PCDHGC3: variants seen among roughly 807,000 people sequenced by gnomAD.
The protein encoded by PCDHGC3 is protocadherin gamma subfamily C, 3, also known as protocadherin gamma-C3.
Under a neutral mutation model 59.2 loss-of-function variants are expected in PCDHGC3, and 26 were observed. The ratio of observed to expected loss-of-function variants is 0.44; its 90% confidence interval spans 0.32 to 0.61. The LOEUF (loss-of-function observed/expected upper bound fraction) is 0.61, where lower values mean the gene tolerates loss of function less well. Ranked by LOEUF, PCDHGC3 falls within the 20% of genes least tolerant of loss-of-function variation. The pLI is 0.05. For missense variants in PCDHGC3, 1,080 were observed against 1,221.8 expected, an observed-to-expected ratio of 0.88 and a Z score of 1.73; for synonymous variants, 487 against 519.7, an observed-to-expected ratio of 0.94 and a Z score of 0.86.
Position 141,485,486 on chromosome 5 carries a change from C to T in PCDHGC3, c.2430+6940C>T, listed in dbSNP as rs2099614522. 6 of 1,614,102 alleles carry T rather than the reference C, an allele frequency of 3.7e-6. No individual in the cohort carries two copies. The highest frequency in any genetic ancestry group is 2.2e-5 in the East Asian group (1 of 44,866). The stretch of plus-strand genomic sequence containing the variant: ...TGGGCTCAGTGCCAGCTGCATCGTG[C>T]CCCTGGAGTTTGTCACCGAAGGTCC... On this transcript the variant is annotated intron_variant, in intron 1 of 3. Coordinates refer to ENST00000308177, the MANE Select transcript of PCDHGC3 (RefSeq NM_002588.4). This position sits in a 1 kb window ranked among gnomAD's most constrained non-coding sequence, Gnocchi z 5.7.
rs2099727742 is a variant in PCDHGC3 at position 141,491,740 on chromosome 5, G to C, written c.2431-3067G>C. On this transcript the variant is annotated intron_variant, in intron 1 of 3. Coordinates refer to ENST00000308177, the MANE Select transcript of PCDHGC3 (RefSeq NM_002588.4). The surrounding 1 kb of genome is among the most constrained non-coding windows in gnomAD (Gnocchi z 6.9). Reference sequence around the variant, plus strand: ...GCCGCCCCGGGCGACCCCTGGGGGCGGCACTGGAGAAGCCGCCCGTCCTCA... The same window carrying C: ...GCCGCCCCGGGCGACCCCTGGGGGCCGCACTGGAGAAGCCGCCCGTCCTCA... The C allele has an allele frequency of 6.3e-7, 1 of 1,597,622 alleles. No homozygotes were observed. The highest frequency in any genetic ancestry group is 8.5e-7 in the Non-Finnish European group (1 of 1,173,228).
chr5:141,485,116 G>T lies in PCDHGC3; in HGVS notation c.2430+6570G>T, dbSNP rs904145668. ...TGTCTCCAGCTGCTGTGGCTGTTTGGGGCGGGTCGGCTTCATCCGCGTCTC... is the reference window on the plus strand; with the variant it reads ...TGTCTCCAGCTGCTGTGGCTGTTTGTGGCGGGTCGGCTTCATCCGCGTCTC... On this transcript the variant is annotated intron_variant, in intron 1 of 3. Coordinates refer to ENST00000308177, the MANE Select transcript of PCDHGC3 (RefSeq NM_002588.4). This position sits in a 1 kb window ranked among gnomAD's most constrained non-coding sequence, Gnocchi z 5.7. 3.0e-6 allele frequency: 4 copies of T among 1,312,058 alleles called. No homozygotes were observed. The African/African-American group carries it at 5.8e-5, about 19-fold the overall frequency. 81.3% of individuals were successfully genotyped at this position (1,312,058 alleles called of 1,614,324 possible).
chr5:141,478,624 T>C (rs1300260980), intron 1 of PCDHGC3, 78 bp downstream of exon 1: 3 of 1,554,196 alleles, frequency 1.9e-6, no homozygotes, highest in Non-Finnish European at 2.6e-6. Context: ...AATGGAGCTG[T>C]TTTTTTAGTG....
At position 141,476,873 on chromosome 5, in the gene PCDHGC3, G is replaced by C; in HGVS notation, c.757G>C (p.Val253Leu). The change falls in exon 1 of 4, where the codon GTC (valine) becomes CTC (leucine). Residue 253 changes from valine to leucine, a missense_variant. Val to Leu is a conservative substitution (Grantham distance 32). Coordinates refer to ENST00000308177, the MANE Select transcript of PCDHGC3 (RefSeq NM_002588.4). This position sits in a 1 kb window ranked among gnomAD's most constrained non-coding sequence, Gnocchi z 7.6. ...CAACCAGTCCTTGTACCGGGCGCGC[G>C]TCCTGGAGGATGCACCCTCCGGCAC... ...VFNQSLYRAR[V>L]LEDAPSGTRV... 1 of 1,613,936 alleles carries C rather than the reference G, an allele frequency of 6.2e-7. No homozygotes were observed. Among genetic ancestry groups the C allele is most frequent in the South Asian group, 1.1e-5 (1 of 91,088 alleles).
chr5:141,488,714 A>G (rs2099678684), intron 1 of PCDHGC3, among the ~76,000 whole-genome samples: 1 of 152,192 alleles, frequency 6.6e-6, no homozygotes, highest in Non-Finnish European at 1.5e-5. Flanking sequence ...TGGTTCAAGC[A>G]AAGTGGTGGA....
At chr5:141,494,926 G>C in intron 2 of PCDHGC3, 61 bp downstream of exon 2, 2 of 1,613,498 alleles carry the variant, frequency 1.2e-6, no homozygotes, top group Non-Finnish European at 1.7e-6. Context: ...GGATGACGTG[G>C]GAGGAGATGG....
chr5:141,488,564 G>A (rs1047904416), intron 1 of PCDHGC3, among the ~76,000 whole-genome samples: 4 of 152,154 alleles, frequency 2.6e-5, no homozygotes, highest in Non-Finnish European at 5.9e-5. Context: ...TGAGATTTCC[G>A]CAAAGCATTG....
At position 141,511,519 on chromosome 5, in the gene PCDHGC3, C is replaced by A; in HGVS notation, c.*346C>A. On this transcript the variant is annotated 3_prime_UTR_variant, in exon 4 of 4. Transcript: ENST00000308177. ...CCAAATCAATCAGGCCCATCCATCC[C>A]ATGCCTCCCTCCTCCCCACCCCACT... 2.7e-6 allele frequency: 1 copy of A among 367,516 alleles called. No individual in the cohort carries two copies. The highest frequency in any genetic ancestry group is 2.7e-5 in the South Asian group (1 of 36,848). 22.8% of individuals were successfully genotyped at this position (367,516 alleles called of 1,614,324 possible). A position where few individuals can be genotyped will look rare whatever the true frequency, so the allele number is the denominator to read the frequency against.
chr5:141,481,762 G>A (rs1378950651), intron 1 of PCDHGC3, among the ~76,000 whole-genome samples: 3 of 152,126 alleles, frequency 2.0e-5, no homozygotes, highest in African/African-American at 2.4e-5. Flanking sequence ...GACCAGCCTG[G>A]CCAACATGGT....
intron 2 of PCDHGC3, among the ~76,000 whole-genome samples, chr5:141,504,288 G>GT (rs1175142876): frequency 6.6e-6 from 1 of 152,124 alleles, no homozygotes; most frequent in African/African-American, 2.4e-5. Context: ...ATCATTTCAT[G>GT]TTTTTTCAAC....
rs761905572 is a variant in PCDHGC3 at position 141,486,493 on chromosome 5, T to A, written c.2430+7947T>A. The A allele has an allele frequency of 2.5e-6, 4 of 1,614,136 alleles. No homozygotes were observed. The highest frequency in any genetic ancestry group is 1.7e-4 in the Middle Eastern group (1 of 6,060). On this transcript the variant is annotated intron_variant, in intron 1 of 3. Transcript: ENST00000308177. This position sits in a 1 kb window ranked among gnomAD's most constrained non-coding sequence, Gnocchi z 5.0. ...ACCCTCCTCTCAGTACCCACAGAAC[T>A]ATTTTCCTCAATATTTCAGATGTGA... is the stretch of plus-strand genomic sequence containing the variant.
chr5:141,494,236 T>C (rs1384800217), intron 1 of PCDHGC3, among the ~76,000 whole-genome samples: 7 of 152,128 alleles, frequency 4.6e-5, no homozygotes, highest in Non-Finnish European at 1.0e-4. Flanking sequence ...AAATTAATAA[T>C]GTATTTAGCT....
chr5:141,506,994 G>A (rs1053891468), intron 3 of PCDHGC3: 1 of 152,126 alleles, frequency 6.6e-6, no homozygotes, highest in Non-Finnish European at 1.5e-5. Context: ...TCTCACACTC[G>A]ACAGATGAGA....
intron 1 of PCDHGC3, among the ~76,000 whole-genome samples, chr5:141,483,575 A>G (rs1165739266): frequency 6.6e-6 from 1 of 152,194 alleles, no homozygotes; most frequent in Non-Finnish European, 1.5e-5. Flanking sequence ...GAATTCTGGC[A>G]TAAACACCTA....
At chr5:141,479,090 T>G (rs1424205731) in intron 1 of PCDHGC3, among the ~76,000 whole-genome samples, 2 of 152,244 alleles carry the variant, frequency 1.3e-5, no homozygotes, top group Non-Finnish European at 2.9e-5. Flanking sequence ...CCAGGCATCC[T>G]TTAAATTTTA....
chr5:141,500,104 T>C (rs917633032), intron 2 of PCDHGC3, among the ~76,000 whole-genome samples: 1 of 152,124 alleles, frequency 6.6e-6, no homozygotes, highest in Non-Finnish European at 1.5e-5. Context: ...AATTTATTTG[T>C]TGAATCCCTG....
At chr5:141,484,801 A>G (rs1285617622) in intron 1 of PCDHGC3, among the ~76,000 whole-genome samples, 3 of 152,024 alleles carry the variant, frequency 2.0e-5, no homozygotes, top group African/African-American at 7.2e-5. Flanking sequence ...CAACCCGTGG[A>G]AAAACATGCC....
At position 141,478,108 on chromosome 5, in the gene PCDHGC3, G is replaced by A. The variant is rs1160328367; in HGVS notation, c.1992G>A (p.Val664=). The part of the protein sequence containing the change: ...PSLSTTATLT[V]SVTEDSPEAR... ...TCTCCACCACTGCTACCCTCACTGT[G>A]TCAGTAACCGAGGACTCTCCTGAAG... Residue 664 remains valine, a synonymous_variant, in exon 1 of 4, where the codon GTG becomes GTA. Coordinates refer to ENST00000308177, the MANE Select transcript of PCDHGC3 (RefSeq NM_002588.4). 6.2e-7 allele frequency: 1 copy of A among 1,614,046 alleles called. No homozygotes were observed. Among genetic ancestry groups the A allele is most frequent in the Admixed American group, 1.7e-5 (1 of 60,024 alleles).
intron 1 of PCDHGC3, chr5:141,492,055 G>C (rs1335131646): frequency 4.1e-6 from 2 of 493,506 alleles, no homozygotes; most frequent in Non-Finnish European, 7.1e-6. Flanking sequence ...CACCCCTGCA[G>C]CCAGCCTCCT....
Sources: allele counts gnomAD v4.1 joint callset (sites outside exome capture counted in the v4.1 genomes callset), GRCh38; gene constraint gnomAD v4.1.1; non-coding constraint Gnocchi (gnomAD v3.1); transcripts MANE v1.5; gene names NCBI Gene and HGNC (gene_info 2026-07-23, HGNC 2026-07-21).